ADGRL2: variants seen among roughly 807,000 people sequenced by gnomAD.
ADGRL2 encodes calcium-independent alpha-latrotoxin receptor 2.
ADGRL2 carries 44 observed loss-of-function variants against 157.4 expected under a neutral mutation model. That is an observed-to-expected ratio of 0.28 (90% confidence interval 0.22 to 0.36). ADGRL2 has a LOEUF of 0.36. Ranked by LOEUF, ADGRL2 falls within the 10% of genes least tolerant of loss-of-function variation. ADGRL2 has a pLI of 1.00. For synonymous variants in ADGRL2, 585 were observed against 624.7 expected (o/e 0.94, Z 0.95); for missense variants, 1,510 against 1,768.9 (o/e 0.85, Z 2.63).
intron 1 of ADGRL2, among the ~76,000 whole-genome samples, chr1:81,701,008 C>T (rs1416971817): frequency 6.6e-6 from 1 of 152,186 alleles, no homozygotes; most frequent in African/African-American, 2.4e-5. Context: ...CTTGCACTTG[C>T]TCATTAATAC....
At chr1:81,379,255 G>A (rs1019047256) in intron 1 of ADGRL2, among the ~76,000 whole-genome samples, 2 of 152,126 alleles carry the variant, frequency 1.3e-5, no homozygotes, top group Non-Finnish European at 2.9e-5. Context: ...AACCTCTAGG[G>A]GAGCATACAG....
intron 3 of ADGRL2, among the ~76,000 whole-genome samples, chr1:81,680,713 T>A (rs72716696): frequency 2.4e-4 from 37 of 151,974 alleles, no homozygotes; most frequent in African/African-American, 4.6e-4. Flanking sequence ...AGAAAAAAAA[T>A]TTTTTTTAAA....
intron 2 of ADGRL2, among the ~76,000 whole-genome samples, chr1:81,578,320 A>G (rs1429118700): frequency 6.6e-6 from 1 of 152,180 alleles, no homozygotes; most frequent in African/African-American, 2.4e-5. Context: ...TCATTGATCC[A>G]TGACTAGTGA....
At chr1:81,498,804 A>T (rs1436590772) in intron 2 of ADGRL2, among the ~76,000 whole-genome samples, 3 of 152,218 alleles carry the variant, frequency 2.0e-5, no homozygotes, top group Non-Finnish European at 4.4e-5. Context: ...AAGAAAAAAA[A>T]AATAAGTCTT....
At chr1:81,401,142 G>T (rs1438333444) in intron 1 of ADGRL2, among the ~76,000 whole-genome samples, 1 of 152,154 alleles carries the variant, frequency 6.6e-6, no homozygotes, top group Non-Finnish European at 1.5e-5. Context: ...CAGTGTTTCA[G>T]CTTTGGCACC....
intron 1 of ADGRL2, among the ~76,000 whole-genome samples, chr1:81,366,655 G>T (rs563182318): frequency 6.6e-6 from 1 of 152,278 alleles, no homozygotes; most frequent in African/African-American, 2.4e-5. Flanking sequence ...AATTTCACAT[G>T]TAAACTGTGA....
At chr1:81,424,882 C>T (rs985941821) in intron 1 of ADGRL2, among the ~76,000 whole-genome samples, 1 of 152,198 alleles carries the variant, frequency 6.6e-6, no homozygotes, top group Admixed American at 6.5e-5. Context: ...GCCTTGGTTT[C>T]TTCGTGGGAG....
chr1:81,343,763 C>T (rs1662261654), intron 1 of ADGRL2, among the ~76,000 whole-genome samples: 1 of 152,122 alleles, frequency 6.6e-6, no homozygotes, highest in Non-Finnish European at 1.5e-5. Context: ...AGAGCATACA[C>T]TGGTGCTTCC....
At chr1:81,921,141 A>G (rs946247853) in intron 3 of ADGRL2, among the ~76,000 whole-genome samples, 2 of 152,180 alleles carry the variant, frequency 1.3e-5, no homozygotes, top group Admixed American at 1.3e-4. Context: ...TTAAGGGTCA[A>G]AGATAAGAGC....
In ADGRL2 at chr1:81,943,827, A is replaced by G; in HGVS notation, c.1210+58A>G. The G allele has an allele frequency of 7.3e-7, 1 of 1,360,836 alleles. No homozygotes were observed. The highest frequency in any genetic ancestry group is 1.0e-6 in the Non-Finnish European group (1 of 985,898). The allele number at this position is 1,360,836 out of a possible 1,614,324, so 84.3% of individuals were successfully genotyped here. On this transcript the variant is annotated intron_variant, in intron 6 of 23. Transcript: ENST00000686636. The surrounding 1 kb of genome is among the most constrained non-coding windows in gnomAD (Gnocchi z 5.6). ...TTTTGTGAAAAGCATTTTTCTTTTT[A>G]AAGACTTCTTAATTTTTTTTTCCTA...
At chr1:81,629,817 C>T (rs1438476816) in intron 3 of ADGRL2, among the ~76,000 whole-genome samples, 1 of 151,796 alleles carries the variant, frequency 6.6e-6, no homozygotes, top group Non-Finnish European at 1.5e-5. Context: ...TCTTGAACTC[C>T]TGGCCTCAAG....
At chr1:81,967,215 A>G (rs754083384) in intron 13 of ADGRL2, among the ~76,000 whole-genome samples, 22 of 152,142 alleles carry the variant, frequency 1.4e-4, no homozygotes, top group Non-Finnish European at 3.1e-4. Flanking sequence ...GCAAAGAAAA[A>G]TAAATTTGTG....
intron 1 of ADGRL2, among the ~76,000 whole-genome samples, chr1:81,724,672 C>T (rs890351544): frequency 4.6e-5 from 7 of 152,174 alleles, no homozygotes; most frequent in African/African-American, 1.7e-4. Context: ...ATTTAAAGTG[C>T]TAGTGCTTAA....
chr1:81,507,410 C>A (rs1240469147), intron 2 of ADGRL2, among the ~76,000 whole-genome samples: 1 of 152,156 alleles, frequency 6.6e-6, no homozygotes, highest in Non-Finnish European at 1.5e-5. Context: ...CAAATTAACT[C>A]TTTGGAGCCC....
rs550372853 is a variant in ADGRL2, at chr1:81,753,425, C to T, written c.-142-8386C>T. On this transcript the variant is annotated intron_variant, in intron 1 of 20. Coordinates refer to the ADGRL2 transcript ENST00000359929. ...CTCCCACCGGGTCCCTCCCACAACA[C>T]GTGGGAATTATGGAAGCTACAAGAT... 5.9e-5 allele frequency among the ~76,000 whole-genome samples: 9 copies of T among 152,214 alleles called. No homozygotes were observed. In the East Asian group the frequency reaches 1.5e-3, roughly 26 times the overall value.
At chr1:81,634,077 A>G (rs2082066295) in intron 3 of ADGRL2, among the ~76,000 whole-genome samples, 1 of 152,194 alleles carries the variant, frequency 6.6e-6, no homozygotes, top group African/African-American at 2.4e-5. Context: ...AAGACTGTGT[A>G]AGAGTCCCAG....
intron 3 of ADGRL2, chr1:81,596,068 C>T (rs1344470098): frequency 6.0e-6 from 2 of 335,394 alleles, no homozygotes; most frequent in Non-Finnish European, 1.2e-5. Context: ...CTGAAAGTCT[C>T]ACCTTCTAAT....
At chr1:81,778,267 A>T (rs796849009) in intron 2 of ADGRL2, among the ~76,000 whole-genome samples, 2 of 151,300 alleles carry the variant, frequency 1.3e-5, no homozygotes, top group African/African-American at 2.4e-5. Flanking sequence ...GCTTGCAGTG[A>T]GCGGAGATCA....
chr1:81,557,877 G>A (rs1445911696), intron 2 of ADGRL2: 1 of 152,288 alleles, frequency 6.6e-6, no homozygotes, highest in African/African-American at 2.4e-5. Flanking sequence ...GTTACTTTCT[G>A]TATAATCTCT....
Sources: gnomAD v4.1 joint callset for allele counts (sites outside exome capture counted in the v4.1 genomes callset) on GRCh38, gnomAD v4.1.1 for gene constraint, Gnocchi (gnomAD v3.1) non-coding constraint, MANE v1.5 for transcripts, NCBI Gene and HGNC (gene_info 2026-07-23, HGNC 2026-07-21) for gene names.